Variants in SPTLC3 observed in about 807,000 individuals in gnomAD.
SPTLC3 encodes serine palmitoyltransferase long chain base subunit 3.
A neutral mutation model predicts 59.3 loss-of-function variants in SPTLC3; 36 were observed. The observed-to-expected ratio is 0.61, with a 90% CI of 0.47 to 0.80. The LOEUF is 0.80. Ranked by LOEUF, SPTLC3 falls within the 30% of genes least tolerant of loss-of-function variation. SPTLC3 has a pLI of 0.00. For synonymous variants in SPTLC3, 257 were observed against 240.8 expected (o/e 1.07, Z -0.62); for missense variants, 625 against 685.1 (o/e 0.91, Z 0.98).
chr20:13,104,339 C>A (rs1352322120), intron 6 of SPTLC3, among the ~76,000 whole-genome samples: 2 of 152,054 alleles, frequency 1.3e-5, no homozygotes, highest in East Asian at 1.9e-4. Context: ...GGGGGCGGTT[C>A]CCCCTATACT....
At chr20:13,137,120 C>T (rs2038265333) in intron 9 of SPTLC3, among the ~76,000 whole-genome samples, 1 of 152,164 alleles carries the variant, frequency 6.6e-6, no homozygotes, top group African/African-American at 2.4e-5. Context: ...TCAATCTGGG[C>T]TTCCTTTACC....
chr20:13,163,367 CAAA>C (rs56217510), intron 11 of SPTLC3, among the ~76,000 whole-genome samples: 23,934 of 89,448 alleles, frequency 0.27, 2,005 homozygotes, highest in South Asian at 0.46. Context: ...GACGCTGTCT[CAAA>C]AAAAAAAAAA....
intron 1 of SPTLC3, among the ~76,000 whole-genome samples, chr20:13,012,182 A>C (rs1230344582): frequency 6.6e-6 from 1 of 152,208 alleles, no homozygotes; most frequent in Non-Finnish European, 1.5e-5. Context: ...AAGAGGATAG[A>C]GTCTGCATTT....
intron 10 of SPTLC3, among the ~76,000 whole-genome samples, chr20:13,154,455 C>T (rs1176717083): frequency 1.3e-5 from 2 of 152,166 alleles, no homozygotes; most frequent in Admixed American, 6.5e-5. Context: ...CAAGATCGTT[C>T]TCAGGGAGAA....
intron 8 of SPTLC3, among the ~76,000 whole-genome samples, chr20:13,124,616 G>A (rs1444797538): frequency 6.6e-6 from 1 of 152,180 alleles, no homozygotes; most frequent in Non-Finnish European, 1.5e-5. Flanking sequence ...AAGACAGCAG[G>A]AAGAACAGAA....
chr20:13,074,538 C>G (rs750550106), intron 4 of SPTLC3, 41 bp downstream of exon 4: 4 of 1,574,120 alleles, frequency 2.5e-6, no homozygotes, highest in Middle Eastern at 3.4e-4. Context: ...GCTGTTAGGT[C>G]TCAGATTCCT....
chr20:13,144,414 T>C (rs903329357), intron 9 of SPTLC3, among the ~76,000 whole-genome samples: 1 of 152,188 alleles, frequency 6.6e-6, no homozygotes, highest in African/African-American at 2.4e-5. Context: ...TCCTGAGAAA[T>C]AGATGTAGTA....
At chr20:13,149,652 G>A (rs1011696963) in intron 9 of SPTLC3, among the ~76,000 whole-genome samples, 3 of 152,208 alleles carry the variant, frequency 2.0e-5, no homozygotes, top group African/African-American at 7.2e-5. Context: ...GTGCTAAATG[G>A]TTTAAAGATA....
intron 2 of SPTLC3, among the ~76,000 whole-genome samples, chr20:13,052,286 C>A (rs1029528150): frequency 6.6e-6 from 1 of 152,242 alleles, no homozygotes; most frequent in East Asian, 1.9e-4. Flanking sequence ...GAACTCCCTC[C>A]CCTAGCCAAG....
chr20:13,039,658 T>G (rs1411656695), intron 1 of SPTLC3, among the ~76,000 whole-genome samples: 1 of 152,142 alleles, frequency 6.6e-6, no homozygotes, highest in Non-Finnish European at 1.5e-5. Flanking sequence ...CTTTTTGCCT[T>G]CTGTATATCT....
chr20:13,099,184 A>G (rs1170927729), intron 6 of SPTLC3, among the ~76,000 whole-genome samples: 2 of 152,184 alleles, frequency 1.3e-5, no homozygotes, highest in African/African-American at 4.8e-5. Flanking sequence ...AGAGTGGCAA[A>G]AGAGTGAGGA....
chr20:13,154,289 T>C, intron 10 of SPTLC3, 151 bp downstream of exon 10: 1 of 921,262 alleles, frequency 1.1e-6, no homozygotes, highest in South Asian at 1.7e-5. Context: ...TGTCACTCTA[T>C]CAGCTAGACC....
intron 4 of SPTLC3, chr20:13,079,965 C>T (rs1988782680): frequency 7.7e-6 from 2 of 259,508 alleles, no homozygotes; most frequent in South Asian, 6.7e-5. Flanking sequence ...TGTCCTAATA[C>T]CCCAGGGAAC....
chr20:13,070,147 A>G (rs1188284652), intron 2 of SPTLC3, among the ~76,000 whole-genome samples: 2 of 152,190 alleles, frequency 1.3e-5, no homozygotes, highest in Non-Finnish European at 2.9e-5. Context: ...ACATATAAAG[A>G]GTATAATTGA....
intron 9 of SPTLC3, among the ~76,000 whole-genome samples, chr20:13,140,728 T>A (rs1158860153): frequency 2.0e-5 from 3 of 152,236 alleles, no homozygotes; most frequent in Non-Finnish European, 4.4e-5. Context: ...CAAGGTCTTT[T>A]AAGTAACTAT....
chr20:13,099,854 A>C (rs1232536580), intron 6 of SPTLC3, among the ~76,000 whole-genome samples: 1 of 152,212 alleles, frequency 6.6e-6, no homozygotes, highest in Non-Finnish European at 1.5e-5. Context: ...GATCTGCAGA[A>C]ACTGTATGTG....
intron 2 of SPTLC3, among the ~76,000 whole-genome samples, chr20:13,066,393 G>T (rs1407626155): frequency 6.6e-6 from 1 of 152,052 alleles, no homozygotes; most frequent in East Asian, 1.9e-4. Flanking sequence ...ATTTATTCCT[G>T]GGCTCTCTAT....
At chr20:13,159,924 A>G (rs1172014977) in intron 10 of SPTLC3, 79 bp from the exon 11 acceptor site, 2 of 1,444,660 alleles carry the variant, frequency 1.4e-6, no homozygotes, top group Non-Finnish European at 9.2e-7. Flanking sequence ...TCAATTAGCC[A>G]TATTCCTTTT....
At chr20:13,032,489 A>G (rs73898284) in intron 1 of SPTLC3, among the ~76,000 whole-genome samples, 3,064 of 152,262 alleles carry the variant, frequency 0.02, 108 homozygotes, top group African/African-American at 0.07. Context: ...AGTGGACTCT[A>G]TACAGCTTAT....
Sources: allele counts gnomAD v4.1 joint callset (sites outside exome capture counted in the v4.1 genomes callset), GRCh38; gene constraint gnomAD v4.1.1; transcripts MANE v1.5; gene names NCBI Gene and HGNC (gene_info 2026-07-23, HGNC 2026-07-21).